The following GNS variants were observed in gnomAD, a reference collection of about 807,000 sequenced individuals.
The protein encoded by GNS is glucosamine (N-acetyl)-6-sulfatase, also known as N-acetylglucosamine-6-sulfatase.
GNS carries 40 observed loss-of-function variants against 69.7 expected under a neutral mutation model. The observed-to-expected ratio is 0.57, with a 90% CI of 0.45 to 0.75. GNS has a LOEUF of 0.75. Among genes scored for constraint, GNS ranks in the 30% least tolerant of loss-of-function variants. GNS has a pLI of 0.00. For synonymous variants in GNS, 243 were observed against 251.6 expected (o/e 0.97, Z 0.32); for missense variants, 565 against 685.5 (o/e 0.82, Z 1.96).
chr12:64,758,793 C>T (rs1451073952), intron 1 of GNS, among the ~76,000 whole-genome samples: 3 of 152,182 alleles, frequency 2.0e-5, no homozygotes, highest in Non-Finnish European at 4.4e-5. Flanking sequence ...ATTGGTTCAA[C>T]CCATCCTCCA....
chr12:64,720,276 G>A, intron 12 of GNS, 94 bp from the exon 13 acceptor site: 3 of 851,420 alleles, frequency 3.5e-6, no homozygotes, highest in Admixed American at 3.9e-5. Flanking sequence ...GGGAAGGGAG[G>A]AGGTAGATTA....
intron 9 of GNS, among the ~76,000 whole-genome samples, chr12:64,736,416 G>A (rs1461228451): frequency 6.6e-6 from 1 of 152,196 alleles, no homozygotes; most frequent in Non-Finnish European, 1.5e-5. Flanking sequence ...TATACTCAAA[G>A]CAAGGTCAGG....
chr12:64,732,255 C>T (rs143922148), intron 9 of GNS, among the ~76,000 whole-genome samples: 4,951 of 149,306 alleles, frequency 0.033, 167 homozygotes, highest in East Asian at 0.16. Flanking sequence ...GCAAGCTCTG[C>T]CTCCCGGTTT....
At position 64,739,490 on chromosome 12, in the gene GNS, A is replaced by G. The variant is rs1007186773; in HGVS notation, c.885T>C (p.Thr295=). The G allele has an allele frequency of 6.5e-7, 1 of 1,542,302 alleles. No individual in the cohort carries two copies. Among genetic ancestry groups the G allele is most frequent in the Non-Finnish European group, 8.9e-7 (1 of 1,124,468 alleles). The part of the protein sequence containing the change: ...LDNAFRKRWQ[T]LLSVDDLVEK... ...CCACAAGGTCATCAACTGAGAGGAG[A>G]GTTTGCCACCTGGATGTGAACAGAA... The change falls in exon 8 of 14, where the codon ACT becomes ACC. Residue 295 remains threonine, a synonymous_variant. Transcript: ENST00000258145.
At chr12:64,756,647 A>G (rs867674973) in intron 1 of GNS, 1 of 834,456 alleles carries the variant, frequency 1.2e-6, no homozygotes, top group South Asian at 1.4e-5. Context: ...ACTGAAGCAC[A>G]AGTATAAAAA....
intron 9 of GNS, among the ~76,000 whole-genome samples, chr12:64,733,256 C>A (rs1869460691): frequency 7.1e-6 from 1 of 141,060 alleles, no homozygotes; most frequent in Non-Finnish European, 1.5e-5. Context: ...CAAGATTGTG[C>A]CACCACACTC....
intron 13 of GNS, among the ~76,000 whole-genome samples, chr12:64,719,050 T>C (rs946452216): frequency 6.6e-6 from 1 of 152,232 alleles, no homozygotes; most frequent in African/African-American, 2.4e-5. Context: ...ATTTAAGTGA[T>C]ATAAAATAAT....
At chr12:64,724,416 C>T (rs767299398) in intron 10 of GNS, among the ~76,000 whole-genome samples, 8 of 152,198 alleles carry the variant, frequency 5.3e-5, no homozygotes, top group Non-Finnish European at 1.2e-4. Context: ...GAATGGGTAA[C>T]GGCTTGTGCA....
chr12:64,719,984 A>G (rs1868974642), intron 13 of GNS, 38 bp downstream of exon 13: 1 of 1,517,578 alleles, frequency 6.6e-7, no homozygotes, highest in Non-Finnish European at 9.2e-7. Context: ...TCTACTAGAA[A>G]AAACTTGGCC....
In GNS at chr12:64,752,956, A is replaced by T; in HGVS notation, c.193-199T>A. 5 of 593,276 alleles carry T rather than the reference A, an allele frequency of 8.4e-6. No homozygotes were observed. In the East Asian group the frequency reaches 1.4e-4, roughly 17 times the overall value. 36.8% of individuals were successfully genotyped at this position (593,276 alleles called of 1,614,324 possible). On this transcript the variant is annotated intron_variant, in intron 1 of 13. Coordinates refer to ENST00000258145, the MANE Select transcript of GNS (RefSeq NM_002076.4). Reference sequence around the variant, plus strand: ...GCTCCATCCTGTATAAAAGTGCAGGAAGTCAAAATGCTTGCAGGAAGGGAA... The same window carrying T: ...GCTCCATCCTGTATAAAAGTGCAGGTAGTCAAAATGCTTGCAGGAAGGGAA...
intron 10 of GNS, among the ~76,000 whole-genome samples, chr12:64,727,270 TA>T (rs34941904): frequency 1.2e-3 from 168 of 137,220 alleles, no homozygotes; most frequent in African/African-American, 1.1e-3. Context: ...TTTCTACTAT[TA>T]AAAAAAAAAA....
intron 1 of GNS, among the ~76,000 whole-genome samples, chr12:64,755,379 A>T (rs1181691380): frequency 6.6e-6 from 1 of 151,982 alleles, no homozygotes; most frequent in Non-Finnish European, 1.5e-5. Context: ...AGAGTTCAAG[A>T]TCAGCCTGGC....
rs1364800471 is a variant in GNS at position 64,715,908 on chromosome 12, G to A, written c.*833C>T. The stretch of plus-strand genomic sequence containing the variant: ...CAACTCTTGGCAGTTCTTCACTGCT[G>A]ATGTTCCTAAGCCACTTCATTTTTC... On this transcript the variant is annotated 3_prime_UTR_variant, in exon 14 of 14. Transcript: ENST00000258145. 2.0e-5 allele frequency: 3 copies of A among 152,260 alleles called. No individual in the cohort carries two copies. The highest frequency in any genetic ancestry group is 1.5e-5 in the Non-Finnish European group (1 of 68,106). The allele number at this position is 152,260 out of a possible 1,614,324, so 9.4% of individuals were successfully genotyped here.
intron 12 of GNS, 24 bp downstream of exon 12, chr12:64,721,571 A>G (rs1869028822): frequency 2.0e-6 from 2 of 1,024,400 alleles, no homozygotes; most frequent in South Asian, 1.3e-5. Context: ...GAGCGGGGGA[A>G]GTGCAGGCAG....
chr12:64,746,057 G>A (rs1396834500), intron 3 of GNS: 8 of 384,420 alleles, frequency 2.1e-5, no homozygotes, highest in South Asian at 1.0e-4. Flanking sequence ...TTTTAACAGC[G>A]ATAAAGAGTT....
intron 9 of GNS, among the ~76,000 whole-genome samples, chr12:64,731,165 C>T (rs956787421): frequency 6.6e-6 from 1 of 152,198 alleles, no homozygotes; most frequent in African/African-American, 2.4e-5. Flanking sequence ...TGGCCTTGAC[C>T]TCCCAGACTC....
chr12:64,745,157 A>G (rs1869859127), intron 4 of GNS, among the ~76,000 whole-genome samples: 1 of 150,976 alleles, frequency 6.6e-6, no homozygotes, highest in South Asian at 2.1e-4. Flanking sequence ...AACCTTGTAC[A>G]ATGCAGGAAA....
chr12:64,723,950 G>GT (rs1327063602), intron 10 of GNS, among the ~76,000 whole-genome samples: 8 of 152,172 alleles, frequency 5.3e-5, no homozygotes, highest in African/African-American at 1.9e-4. Context: ...GAGCAGGGAG[G>GT]TAACACAATC....
At chr12:64,758,574 C>T (rs1157815896) in intron 1 of GNS, among the ~76,000 whole-genome samples, 1 of 152,140 alleles carries the variant, frequency 6.6e-6, no homozygotes. Flanking sequence ...CCGCCCGCCT[C>T]GGCCTCCCAA....
Sources: gnomAD v4.1 joint callset for allele counts (sites outside exome capture counted in the v4.1 genomes callset) on GRCh38, gnomAD v4.1.1 for gene constraint, MANE v1.5 for transcripts, NCBI Gene and HGNC (gene_info 2026-07-23, HGNC 2026-07-21) for gene names.